The following MAF variants were observed in gnomAD, a reference collection of about 807,000 sequenced individuals.
The protein encoded by MAF is MAF bZIP transcription factor, also known as transcription factor Maf.
A neutral mutation model predicts 22.0 loss-of-function variants in MAF; 10 were observed. The observed-to-expected ratio is 0.45, with a 90% CI of 0.28 to 0.77. MAF has a LOEUF of 0.77. MAF is among the 30% of genes least tolerant of loss of function. The probability of loss-of-function intolerance (pLI) is 0.12; values close to 1 mark genes in which losing one functional copy is unlikely to be tolerated. For missense variants in MAF, 544 were observed against 548.4 expected (o/e 0.99, Z 0.08); for synonymous variants, 337 against 255.8 (o/e 1.32, Z -3.03).
chr16:79,388,135 G>A, the MAF span, among the ~76,000 whole-genome samples: 1 of 152,158 alleles, frequency 6.6e-6, no homozygotes, highest in African/African-American at 2.4e-5. Context: ...AAGCTTAAGT[G>A]GTATGCAAGA....
At chr16:79,410,281 G>A in the MAF span, among the ~76,000 whole-genome samples, 25 of 152,296 alleles carry the variant, frequency 1.6e-4, no homozygotes, top group African/African-American at 5.8e-4. Context: ...TTGTGATTCT[G>A]GGAGCTGCCC....
At chr16:79,587,718 A>G (rs75786062) in intron 1 of MAF, among the ~76,000 whole-genome samples, 10,723 of 152,210 alleles carry the variant, frequency 0.07, 452 homozygotes, top group Middle Eastern at 0.12. Context: ...GAAAAAAAAC[A>G]GGCCTCATTA....
chr16:79,449,077 C>T, the MAF span, among the ~76,000 whole-genome samples: 1 of 152,178 alleles, frequency 6.6e-6, no homozygotes, highest in Non-Finnish European at 1.5e-5. Flanking sequence ...GACAGATCAT[C>T]AGGCATTAGA....
At chr16:79,271,049 C>T in the MAF span, among the ~76,000 whole-genome samples, 3,499 of 151,700 alleles carry the variant, frequency 0.023, 139 homozygotes, top group African/African-American at 0.081. Flanking sequence ...TACAAGCGCC[C>T]GCCACCATGC....
the MAF span, among the ~76,000 whole-genome samples, chr16:79,260,530 G>C: frequency 3.9e-5 from 5 of 128,284 alleles, no homozygotes; most frequent in African/African-American, 1.4e-4. Context: ...TTACCACTAG[G>C]ATGGAAACAC....
the MAF span, among the ~76,000 whole-genome samples, chr16:79,449,505 C>G: frequency 6.6e-6 from 1 of 152,218 alleles, no homozygotes; most frequent in Non-Finnish European, 1.5e-5. Flanking sequence ...CTTACTACCT[C>G]TCTTCCTGCT....
At chr16:79,359,478 C>T in the MAF span, among the ~76,000 whole-genome samples, 55 of 152,266 alleles carry the variant, frequency 3.6e-4, no homozygotes, top group African/African-American at 1.2e-3. Context: ...ATCAGATCAT[C>T]CACTCAGCCA....
At chr16:79,452,198 C>T in the MAF span, among the ~76,000 whole-genome samples, 1 of 152,110 alleles carries the variant, frequency 6.6e-6, no homozygotes, top group Non-Finnish European at 1.5e-5. Context: ...AAATTGCTGA[C>T]CCCTGACAGA....
the MAF span, chr16:79,204,081 T>C: frequency 6.6e-6 from 1 of 152,118 alleles, no homozygotes; most frequent in Non-Finnish European, 1.5e-5. Context: ...CTTATTTTGT[T>C]GGCAAATTTC....
At chr16:79,261,302 G>T in the MAF span, among the ~76,000 whole-genome samples, 1 of 152,072 alleles carries the variant, frequency 6.6e-6, no homozygotes, top group East Asian at 1.9e-4. Flanking sequence ...ACAGGCACCT[G>T]CCACCACGCC....
At chr16:79,402,394 G>C in the MAF span, among the ~76,000 whole-genome samples, 2 of 152,202 alleles carry the variant, frequency 1.3e-5, no homozygotes, top group Non-Finnish European at 2.9e-5. Context: ...GAAGGCCCCT[G>C]CTCTCAGAGA....
At chr16:79,251,179 A>G in the MAF span, among the ~76,000 whole-genome samples, 1 of 152,142 alleles carries the variant, frequency 6.6e-6, no homozygotes, top group Non-Finnish European at 1.5e-5. Context: ...AAAACTGACC[A>G]ACCTGAACTT....
At chr16:79,543,231 G>T in the MAF span, among the ~76,000 whole-genome samples, 1 of 152,080 alleles carries the variant, frequency 6.6e-6, no homozygotes, top group African/African-American at 2.4e-5. Flanking sequence ...ATGCTAGCTG[G>T]GTCTGTCCAT....
chr16:79,572,591 T>C, the MAF span, among the ~76,000 whole-genome samples: 5 of 152,312 alleles, frequency 3.3e-5, no homozygotes, highest in Admixed American at 2.6e-4. Context: ...GAAAAATGAA[T>C]TCTAGGCAGA....
At chr16:79,336,911 G>A in the MAF span, among the ~76,000 whole-genome samples, 1 of 152,148 alleles carries the variant, frequency 6.6e-6, no homozygotes, top group African/African-American at 2.4e-5. Flanking sequence ...TGAGTGCCTG[G>A]GGTGTACAAG....
At chr16:79,529,478 T>G in the MAF span, among the ~76,000 whole-genome samples, 2 of 152,190 alleles carry the variant, frequency 1.3e-5, no homozygotes, top group Non-Finnish European at 2.9e-5. Flanking sequence ...CCTGTGAATC[T>G]ATAATTATTT....
chr16:79,215,967 G>T, the MAF span, among the ~76,000 whole-genome samples: 3 of 152,236 alleles, frequency 2.0e-5, no homozygotes, highest in East Asian at 1.9e-4. Context: ...CAGTCCCCAT[G>T]GGCCATTTTC....
chr16:79,495,784 A>G, the MAF span, among the ~76,000 whole-genome samples: 1 of 152,190 alleles, frequency 6.6e-6, no homozygotes, highest in Admixed American at 6.5e-5. Context: ...GAGCAGAAAC[A>G]GTCTCTACAC....
chr16:79,265,009 A>G, the MAF span, among the ~76,000 whole-genome samples: 1 of 152,218 alleles, frequency 6.6e-6, no homozygotes, highest in African/African-American at 2.4e-5. Context: ...ACTGAAATCA[A>G]CTCTTTAGGA....
Sources: allele counts gnomAD v4.1 joint callset (sites outside exome capture counted in the v4.1 genomes callset), GRCh38; gene constraint gnomAD v4.1.1; transcripts MANE v1.5; gene names NCBI Gene and HGNC (gene_info 2026-07-23, HGNC 2026-07-21).